Variants in ANTXR2 observed in about 807,000 individuals in gnomAD.
ANTXR2 encodes the protein ANTXR cell adhesion molecule 2, also known as anthrax toxin receptor 2.
A neutral mutation model predicts 73.7 loss-of-function variants in ANTXR2; 44 were observed. That is an observed-to-expected ratio of 0.60 (90% CI 0.47 to 0.77). The LOEUF (loss-of-function observed/expected upper bound fraction) is 0.77. Among genes scored for constraint, ANTXR2 ranks in the 30% least tolerant of loss-of-function variants. The probability of loss-of-function intolerance (pLI) is 0.00; values close to 1 mark genes in which losing one functional copy is unlikely to be tolerated. For synonymous variants in ANTXR2, 217 were observed against 205.9 expected (o/e 1.05, Z -0.46); for missense variants, 604 against 592.5 (o/e 1.02, Z -0.20).
intron 7 of ANTXR2, among the ~76,000 whole-genome samples, chr4:80,048,289 C>T (rs1002327724): frequency 7.1e-6 from 1 of 141,566 alleles, no homozygotes. Flanking sequence ...AAAACAAAAA[C>T]AGGAGTTGGG....
At chr4:79,961,793 A>G (rs1729151764) in intron 16 of ANTXR2, among the ~76,000 whole-genome samples, 1 of 152,116 alleles carries the variant, frequency 6.6e-6, no homozygotes, top group Non-Finnish European at 1.5e-5. Context: ...AAGAAGTTAC[A>G]TTTCTAAAAC....
chr4:80,026,053 C>A (rs1732419681), intron 10 of ANTXR2, among the ~76,000 whole-genome samples: 1 of 152,124 alleles, frequency 6.6e-6, no homozygotes, highest in Admixed American at 6.6e-5. Context: ...CTAAATCAAT[C>A]AAATTGAGTG....
chr4:79,959,636 A>G (rs1383328513), intron 16 of ANTXR2, among the ~76,000 whole-genome samples: 2 of 152,232 alleles, frequency 1.3e-5, no homozygotes. Context: ...TGGTGTGCTT[A>G]AGTCTAGTGG....
chr4:79,977,835 A>G (rs1729706302), intron 15 of ANTXR2, 134 bp from the exon 16 acceptor site: 1 of 1,244,206 alleles, frequency 8.0e-7, no homozygotes, highest in African/African-American at 1.5e-5. Context: ...CTAATAAGTA[A>G]TAAAAACCTA....
chr4:79,956,595 T>C (rs1728894599), intron 16 of ANTXR2, among the ~76,000 whole-genome samples: 1 of 152,086 alleles, frequency 6.6e-6, no homozygotes, highest in African/African-American at 2.4e-5. Context: ...AATGTGATAA[T>C]TAAACATACA....
At chr4:79,920,530 G>T (rs1424372645) in intron 16 of ANTXR2, among the ~76,000 whole-genome samples, 4 of 152,098 alleles carry the variant, frequency 2.6e-5, no homozygotes, top group Non-Finnish European at 5.9e-5. Context: ...TGTTGGGGAT[G>T]AGTGCTGGAG....
At chr4:80,008,444 C>T in intron 12 of ANTXR2, 77 bp downstream of exon 12, 2 of 1,113,948 alleles carry the variant, frequency 1.8e-6, no homozygotes, top group Non-Finnish European at 2.6e-6. Flanking sequence ...ATTAACATGG[C>T]ATTTATTCAT....
intron 11 of ANTXR2, among the ~76,000 whole-genome samples, chr4:80,012,022 C>T (rs1029818275): frequency 6.6e-6 from 1 of 152,180 alleles, no homozygotes; most frequent in Non-Finnish European, 1.5e-5. Flanking sequence ...TGACTGCTGC[C>T]CTTGCAACAT....
chr4:80,002,294 A>G (rs1731085744), intron 12 of ANTXR2, among the ~76,000 whole-genome samples: 2 of 152,180 alleles, frequency 1.3e-5, no homozygotes, highest in Non-Finnish European at 2.9e-5. Flanking sequence ...AACCTGACAA[A>G]AACAAGCAAT....
At chr4:80,026,035 T>C (rs1305858706) in intron 10 of ANTXR2, among the ~76,000 whole-genome samples, 1 of 152,160 alleles carries the variant, frequency 6.6e-6, no homozygotes, top group Non-Finnish European at 1.5e-5. Context: ...ACCAAGTCAA[T>C]TTAGTGCCTA....
intron 12 of ANTXR2, among the ~76,000 whole-genome samples, chr4:79,995,282 G>C (rs1450062834): frequency 6.6e-6 from 1 of 151,752 alleles, no homozygotes; most frequent in Non-Finnish European, 1.5e-5. Flanking sequence ...GATACTAAAG[G>C]TACTAAAAAT....
In ANTXR2 at chr4:80,067,994, A is replaced by G. The variant is rs1187101726; in HGVS notation, c.296+1442T>C. ...TCCCAGAACTTAAAATTAAAATTAA[A>G]TTAAATTTAAAAAGAAGAAAGAAAG... On this transcript the variant is annotated intron_variant, in intron 3 of 16. Coordinates refer to ENST00000403729, the MANE Select transcript of ANTXR2 (RefSeq NM_058172.6). Among the ~76,000 whole-genome samples the G allele has an allele frequency of 3.3e-5, 5 of 152,228 alleles. No homozygotes were observed. In the East Asian group the frequency reaches 7.7e-4, roughly 23 times the overall value.
intron 12 of ANTXR2, among the ~76,000 whole-genome samples, chr4:79,996,142 C>T (rs1266358556): frequency 6.6e-6 from 1 of 152,006 alleles, no homozygotes; most frequent in Non-Finnish European, 1.5e-5. Context: ...AATTAGGATT[C>T]AAACCGAGGA....
At chr4:79,995,062 A>T (rs1328737026) in intron 12 of ANTXR2, among the ~76,000 whole-genome samples, 2 of 151,196 alleles carry the variant, frequency 1.3e-5, no homozygotes, top group African/African-American at 4.9e-5. Flanking sequence ...TAGCCCACCA[A>T]CTCCCTGTTG....
At chr4:80,026,382 C>T (rs1311395196) in intron 10 of ANTXR2, among the ~76,000 whole-genome samples, 1 of 152,136 alleles carries the variant, frequency 6.6e-6, no homozygotes, top group Non-Finnish European at 1.5e-5. Context: ...AACTGTGAGT[C>T]AATTAAACTT....
At chr4:79,992,587 A>C (rs1017963763) in intron 12 of ANTXR2, among the ~76,000 whole-genome samples, 2 of 151,962 alleles carry the variant, frequency 1.3e-5, no homozygotes, top group Non-Finnish European at 2.9e-5. Context: ...CCAGAAATAA[A>C]TGCCAGTAGA....
At chr4:80,063,198 CT>C (rs1734341538) in intron 3 of ANTXR2, among the ~76,000 whole-genome samples, 2 of 152,132 alleles carry the variant, frequency 1.3e-5, no homozygotes, top group Admixed American at 6.5e-5. Context: ...ATAATTCACT[CT>C]TATTAACTGG....
chr4:80,022,950 C>T (rs1278849857), intron 10 of ANTXR2, among the ~76,000 whole-genome samples: 1 of 152,098 alleles, frequency 6.6e-6, no homozygotes, highest in African/African-American at 2.4e-5. Context: ...AAATAATATA[C>T]ATAAAATATA....
At chr4:80,007,918 T>C (rs1353246411) in intron 12 of ANTXR2, among the ~76,000 whole-genome samples, 1 of 152,202 alleles carries the variant, frequency 6.6e-6, no homozygotes. Flanking sequence ...TCAACATATG[T>C]GTGGCAATTT....
Sources: allele counts gnomAD v4.1 joint callset (sites outside exome capture counted in the v4.1 genomes callset), GRCh38; gene constraint gnomAD v4.1.1; transcripts MANE v1.5; gene names NCBI Gene and HGNC (gene_info 2026-07-23, HGNC 2026-07-21).